Variants in PTPN13 observed in about 807,000 individuals in gnomAD.
PTPN13 encodes the protein tyrosine-protein phosphatase non-receptor type 13.
Under a neutral mutation model 284.0 loss-of-function variants are expected in PTPN13, and 191 were observed. The ratio of observed to expected loss-of-function variants is 0.67; its 90% confidence interval spans 0.60 to 0.76. PTPN13 has a LOEUF of 0.76. Among genes scored for constraint, PTPN13 ranks in the 30% least tolerant of loss-of-function variants. The pLI, the probability that PTPN13 is intolerant of heterozygous loss-of-function variation, is 0.00. For synonymous variants in PTPN13, 986 were observed against 1,022.3 expected (o/e 0.96, Z 0.68); for missense variants, 2,797 against 2,939.9 (o/e 0.95, Z 1.12).
chr4:86,690,396 A>G (rs930789832), intron 5 of PTPN13: 24 of 152,220 alleles, frequency 1.6e-4, no homozygotes, highest in African/African-American at 5.8e-4. Context: ...AACTATTTAA[A>G]GGAAATTAAA....
At position 86,762,862 on chromosome 4, in the gene PTPN13, A is replaced by G. The variant is rs757596697; in HGVS notation, c.3689A>G (p.Glu1230Gly). The G allele has an allele frequency of 1.2e-6, 2 of 1,613,960 alleles. No homozygotes were observed. The highest frequency in any genetic ancestry group is 1.7e-6 in the Non-Finnish European group (2 of 1,179,844). Reference sequence around the variant, plus strand: ...CGTGGTACCCTGAGGCACATCTCGGAGAACTCCTTTGGGCCATCTGGGGGC... The same window carrying G: ...CGTGGTACCCTGAGGCACATCTCGGGGAACTCCTTTGGGCCATCTGGGGGC... ...WSRGTLRHISENSFGPSGGLR... is the reference protein window; with the variant it reads ...WSRGTLRHISGNSFGPSGGLR... The change falls in exon 24 of 48, where the codon GAG (glutamate) becomes GGG (glycine). Residue 1230 changes from glutamate to glycine, a missense_variant. By Grantham distance (98) the Glu-to-Gly change is moderately conservative (BLOSUM62 -2). Coordinates refer to ENST00000411767, the MANE Select transcript of PTPN13 (RefSeq NM_080683.3).
rs191927581 is a variant in PTPN13 at position 86,728,458 on chromosome 4, T to A, written c.1609-3942T>A. 2.7e-3 allele frequency among the ~76,000 whole-genome samples: 398 copies of A among 148,324 alleles called. 16 individuals are homozygous for A. The highest frequency in any genetic ancestry group is 9.2e-3 in the African/African-American group (376 of 40,800). On this transcript the variant is annotated intron_variant, in intron 10 of 47. Coordinates refer to ENST00000411767, the MANE Select transcript of PTPN13 (RefSeq NM_080683.3). ...TATTGTGTGGGAGTCTAAGTCTCTT[T>A]GTAGGTCTCTAAGGACTTCCTTTAT...
At chr4:86,680,273 C>G (rs189063600) in intron 3 of PTPN13, among the ~76,000 whole-genome samples, 1 of 152,278 alleles carries the variant, frequency 6.6e-6, no homozygotes, top group African/African-American at 2.4e-5. Flanking sequence ...AAATGTATTT[C>G]TGTCCTACAG....
At chr4:86,760,045 A>C (rs1738488876) in intron 23 of PTPN13, among the ~76,000 whole-genome samples, 1 of 152,186 alleles carries the variant, frequency 6.6e-6, no homozygotes, top group South Asian at 2.1e-4. Context: ...TGAACATGTT[A>C]TATGTTGTGA....
At chr4:86,626,006 A>C (rs1355454540) in intron 1 of PTPN13, among the ~76,000 whole-genome samples, 1 of 152,176 alleles carries the variant, frequency 6.6e-6, no homozygotes, top group African/African-American at 2.4e-5. Context: ...TAGCGAGGAA[A>C]GGTGTTGTAG....
chr4:86,783,170 T>C (rs1266840629), intron 37 of PTPN13, among the ~76,000 whole-genome samples: 1 of 152,212 alleles, frequency 6.6e-6, no homozygotes, highest in East Asian at 1.9e-4. Flanking sequence ...TTCATTATGT[T>C]GTCTCACACT....
chr4:86,753,366 A>G (rs1737604656), intron 20 of PTPN13, among the ~76,000 whole-genome samples: 2 of 152,182 alleles, frequency 1.3e-5, no homozygotes, highest in South Asian at 2.1e-4. Context: ...TTTTAAAGGG[A>G]TGCTGGAGCT....
Position 86,767,935 on chromosome 4 carries a change from A to C in PTPN13, c.4448A>C (p.Lys1483Thr). 1 of 1,611,420 alleles carries C rather than the reference A, an allele frequency of 6.2e-7. No homozygotes were observed. Among genetic ancestry groups the C allele is most frequent in the Non-Finnish European group, 8.5e-7 (1 of 1,178,816 alleles). ...CAAGGTCAAGGCCCAGAAAAAGTGA[A>C]GAAAACAACTCAGGTCAAAGACTAC... ...NAQGQGPEKV[K>T]KTTQVKDYSF... is the part of the protein sequence containing the mutation. The change falls in exon 28 of 48, where the codon AAG becomes ACG. Residue 1483 changes from lysine (K) to threonine (T), a missense_variant. Lys to Thr is a moderately conservative substitution (Grantham distance 78). Transcript: ENST00000411767.
At chr4:86,732,004 C>T (rs1336458887) in intron 10 of PTPN13, among the ~76,000 whole-genome samples, 1 of 152,182 alleles carries the variant, frequency 6.6e-6, no homozygotes, top group Non-Finnish European at 1.5e-5. Context: ...TCACTTCATG[C>T]ATTAGCAATA....
chr4:86,724,755 A>G (rs1734046586), intron 10 of PTPN13, among the ~76,000 whole-genome samples: 1 of 151,402 alleles, frequency 6.6e-6, no homozygotes. Flanking sequence ...ACTTCTTCAT[A>G]CCCTGTTTCC....
At chr4:86,606,175 C>T (rs997964016) in intron 1 of PTPN13, among the ~76,000 whole-genome samples, 4 of 151,850 alleles carry the variant, frequency 2.6e-5, no homozygotes, top group African/African-American at 4.8e-5. Flanking sequence ...TTAGAACAAG[C>T]GCCAACAAAG....
At position 86,728,365 on chromosome 4, in the gene PTPN13, A is replaced by G. The variant is rs192131891; in HGVS notation, c.1609-4035A>G. Among the ~76,000 whole-genome samples the G allele has an allele frequency of 7.6e-4, 114 of 149,232 alleles. 6 individuals are homozygous for G. In the East Asian group the frequency reaches 8.5e-3, roughly 11 times the overall value. On this transcript the variant is annotated intron_variant, in intron 10 of 47. Coordinates refer to ENST00000411767, the MANE Select transcript of PTPN13 (RefSeq NM_080683.3). ...GCAGAGCTGAGTTTAAGTCCTGGAT[A>G]TCCTTCTTAACCTTCTGTCTCCTTA...
At chr4:86,672,329 T>A (rs1727799584) in intron 2 of PTPN13, 36 bp from the exon 3 acceptor site, 5 of 1,478,238 alleles carry the variant, frequency 3.4e-6, no homozygotes, top group Non-Finnish European at 4.5e-6. Context: ...TTTCTTCTTT[T>A]TTTTTATTTT....
chr4:86,793,118 CAT>C (rs142636690), intron 40 of PTPN13, among the ~76,000 whole-genome samples: 15,217 of 152,178 alleles, frequency 0.1, 869 homozygotes, highest in Non-Finnish European at 0.11. Context: ...AGACCCATCT[CAT>C]GTGCAATGAC....
chr4:86,799,302 T>C (rs1743712697), intron 42 of PTPN13, 98 bp downstream of exon 42: 1 of 713,382 alleles, frequency 1.4e-6, no homozygotes, highest in Non-Finnish European at 2.2e-6. Flanking sequence ...TTTTACCATA[T>C]GTATACATTA....
intron 9 of PTPN13, among the ~76,000 whole-genome samples, chr4:86,720,341 GA>G (rs370371099): frequency 9.2e-5 from 14 of 152,164 alleles, no homozygotes; most frequent in Middle Eastern, 3.4e-3. Flanking sequence ...TTTATTCAAG[GA>G]AACATTAAGG....
intron 44 of PTPN13, among the ~76,000 whole-genome samples, chr4:86,806,101 G>A (rs974277002): frequency 2.0e-5 from 3 of 150,974 alleles, no homozygotes; most frequent in African/African-American, 4.9e-5. Flanking sequence ...AGGTTGCAGC[G>A]AGCCAAGATC....
chr4:86,783,557 T>C (rs1467150030), intron 37 of PTPN13, among the ~76,000 whole-genome samples: 1 of 149,766 alleles, frequency 6.7e-6, no homozygotes, highest in Non-Finnish European at 1.5e-5. Context: ...TCCCAAACAA[T>C]ACTGTGTCCT....
In PTPN13 at chr4:86,732,678, C is replaced by G. The variant is rs746284848; in HGVS notation, c.1770C>G (p.Thr590=). Residue 590 remains threonine, a synonymous_variant, in exon 12 of 48, where the codon ACC becomes ACG. Coordinates refer to ENST00000411767, the MANE Select transcript of PTPN13 (RefSeq NM_080683.3). ...AAAGACTGGAACTGACCTGTGATAC[C>G]AAAACTATATGTAAAGATGTGTTTG... ...NGQRLELTCD[T]KTICKDVFDM... is the part of the protein sequence containing the mutation. The G allele has an allele frequency of 6.2e-7, 1 of 1,613,498 alleles. No homozygotes were observed. The highest frequency in any genetic ancestry group is 8.5e-7 in the Non-Finnish European group (1 of 1,179,650).
Sources: allele counts gnomAD v4.1 joint callset (sites outside exome capture counted in the v4.1 genomes callset), GRCh38; gene constraint gnomAD v4.1.1; transcripts MANE v1.5; gene names NCBI Gene and HGNC (gene_info 2026-07-23, HGNC 2026-07-21).